Variants in SPAG16 observed in about 807,000 individuals in gnomAD.
SPAG16 encodes the protein sperm-associated antigen 16 protein.
Under a neutral mutation model 80.4 loss-of-function variants are expected in SPAG16, and 86 were observed. The ratio of observed to expected loss-of-function variants is 1.07; its 90% confidence interval spans 0.90 to 1.28. SPAG16 has a LOEUF of 1.28. Ranked by LOEUF, SPAG16 falls within the 50% of genes most tolerant of loss-of-function variation. The probability of loss-of-function intolerance (pLI) is 0.00; values close to 1 mark genes in which losing one functional copy is unlikely to be tolerated. For synonymous variants in SPAG16, 294 were observed against 265.9 expected, an observed-to-expected ratio of 1.11 and a Z score of -1.03; for missense variants, 870 against 765.3, an observed-to-expected ratio of 1.14 and a Z score of -1.61.
intron 7 of SPAG16, among the ~76,000 whole-genome samples, chr2:213,356,812 G>C (rs2065683833): frequency 6.6e-6 from 1 of 152,008 alleles, no homozygotes; most frequent in Non-Finnish European, 1.5e-5. Flanking sequence ...GTTTGTTCTT[G>C]CTTCTCTAGT....
At position 213,505,503 on chromosome 2, in the gene SPAG16, A is replaced by G. The variant is rs111281017; in HGVS notation, c.1070+15413A>G. ...TATTGATGAGTTAATATTTTAAAAC[A>G]TAAGTTAGTATTTATTTGGTTAGGA... On this transcript the variant is annotated intron_variant, in intron 10 of 15. Transcript: ENST00000331683. Among the ~76,000 whole-genome samples the G allele has an allele frequency of 8.0e-4, 122 of 152,300 alleles. 2 individuals are homozygous for G. Among genetic ancestry groups the G allele is most frequent in the Middle Eastern group, 3.4e-3 (1 of 294 alleles).
At chr2:213,309,832 A>T (rs1343508486) in intron 3 of SPAG16, among the ~76,000 whole-genome samples, 1 of 151,988 alleles carries the variant, frequency 6.6e-6, no homozygotes. Context: ...TTAGTTATTC[A>T]TATTCTGTCT....
At chr2:214,380,503 C>T (rs1262266197) in intron 15 of SPAG16, among the ~76,000 whole-genome samples, 1 of 152,018 alleles carries the variant, frequency 6.6e-6, no homozygotes, top group African/African-American at 2.4e-5. Context: ...AGAATGGGAC[C>T]CAAAGTTCTT....
chr2:214,168,625 A>T (rs1337608271), intron 15 of SPAG16, among the ~76,000 whole-genome samples: 2 of 152,082 alleles, frequency 1.3e-5, no homozygotes, highest in East Asian at 1.9e-4. Flanking sequence ...TCTGAGAAAA[A>T]GCAACTTTCC....
At chr2:214,132,868 G>A (rs1033088264) in intron 14 of SPAG16, among the ~76,000 whole-genome samples, 5 of 151,990 alleles carry the variant, frequency 3.3e-5, no homozygotes, top group South Asian at 2.1e-4. Context: ...CTAGGCGGGC[G>A]GATCACCTGA....
chr2:213,932,264 G>A (rs1209391070), intron 12 of SPAG16, among the ~76,000 whole-genome samples: 21 of 149,704 alleles, frequency 1.4e-4, no homozygotes. Context: ...AGGCTAGAGT[G>A]CAGTGGCACA....
rs189630981 is a variant in SPAG16 at position 214,199,675 on chromosome 2, G to A, written c.1720+50409G>A. ...TTTTAATGAGAATTACATTGAATCT[G>A]TAGATTGCTTTAGGCAGTATGGTCA... On this transcript the variant is annotated intron_variant, in intron 15 of 15. Transcript: ENST00000331683. Among the ~76,000 whole-genome samples the A allele has an allele frequency of 7.7e-4, 117 of 152,210 alleles. 1 individual carries two copies. The highest frequency in any genetic ancestry group is 2.1e-4 in the Non-Finnish European group (14 of 68,002).
intron 15 of SPAG16, among the ~76,000 whole-genome samples, chr2:214,399,177 A>AT (rs1701571071): frequency 6.6e-6 from 1 of 152,166 alleles, no homozygotes; most frequent in Non-Finnish European, 1.5e-5. Context: ...TCATCCGATT[A>AT]TACTACATAC....
chr2:214,379,147 A>G (rs1574453858), intron 15 of SPAG16, among the ~76,000 whole-genome samples: 1 of 152,202 alleles, frequency 6.6e-6, no homozygotes, highest in African/African-American at 2.4e-5. Context: ...ACATTTCTAC[A>G]TATACTTTAC....
At chr2:214,026,318 AAGTT>A (rs1453219265) in intron 13 of SPAG16, among the ~76,000 whole-genome samples, 1 of 151,532 alleles carries the variant, frequency 6.6e-6, no homozygotes, top group Non-Finnish European at 1.5e-5. Context: ...AAATGTCATA[AAGTT>A]AGTCTAGGAA....
At chr2:213,740,500 T>C (rs989696773) in intron 10 of SPAG16, among the ~76,000 whole-genome samples, 1 of 152,244 alleles carries the variant, frequency 6.6e-6, no homozygotes, top group African/African-American at 2.4e-5. Context: ...AAGTCAATTT[T>C]AAGTCTTCTG....
intron 1 of SPAG16, among the ~76,000 whole-genome samples, chr2:213,286,222 T>C (rs2062051885): frequency 6.6e-6 from 1 of 152,208 alleles, no homozygotes; most frequent in African/African-American, 2.4e-5. Context: ...CTTTTTAGGA[T>C]TTTACTAACC....
chr2:213,676,561 A>T (rs1337237048), intron 10 of SPAG16, among the ~76,000 whole-genome samples: 4 of 152,164 alleles, frequency 2.6e-5, no homozygotes, highest in South Asian at 2.1e-4. Context: ...TGTCCCATTA[A>T]TACCTAATTT....
chr2:213,998,951 C>T lies in SPAG16; in HGVS notation c.1401-15000C>T, dbSNP rs192431619. ...AAATTTCTAAGCAGTAAAACTCAAG[C>T]GATGACTTGGGTGCTGTTAAAGGCA... On this transcript the variant is annotated intron_variant, in intron 12 of 15. Coordinates refer to ENST00000331683, the MANE Select transcript of SPAG16 (RefSeq NM_024532.5). Among the ~76,000 whole-genome samples the T allele has an allele frequency of 2.5e-3, 380 of 152,160 alleles. 2 individuals are homozygous for T. Among genetic ancestry groups the T allele is most frequent in the African/African-American group, 8.7e-3 (362 of 41,532 alleles).
At chr2:213,603,426 A>C (rs1283471436) in intron 10 of SPAG16, among the ~76,000 whole-genome samples, 2 of 152,222 alleles carry the variant, frequency 1.3e-5, no homozygotes, top group African/African-American at 4.8e-5. Context: ...TTTTGATGAA[A>C]AGTTGTTTAT....
rs1156994062 is a variant in SPAG16, at chr2:213,340,075, TG to T, written c.537-86del. ...ATTTGTTTTCCTATTATCTTTTGAATGGCACAATACTGGATTTGAACTCAAG... is the reference window on the plus strand; with the variant it reads ...ATTTGTTTTCCTATTATCTTTTGAATGCACAATACTGGATTTGAACTCAAG... On this transcript the variant is annotated intron_variant, in intron 5 of 15. Transcript: ENST00000331683. 5.3e-6 allele frequency: 4 copies of T among 759,166 alleles called. No individual in the cohort carries two copies. The African/African-American group carries it at 7.1e-5, about 14-fold the overall frequency. 47.0% of individuals were successfully genotyped at this position (759,166 alleles called of 1,614,324 possible).
At chr2:213,879,696 C>G (rs2076273746) in intron 11 of SPAG16, among the ~76,000 whole-genome samples, 1 of 151,956 alleles carries the variant, frequency 6.6e-6, no homozygotes, top group South Asian at 2.1e-4. Flanking sequence ...AGAGTGTGCT[C>G]AATCTTTAGT....
In SPAG16 at chr2:214,228,876, G is replaced by A. The variant is rs186742974; in HGVS notation, c.1720+79610G>A. Among the ~76,000 whole-genome samples the A allele has an allele frequency of 2.9e-4, 44 of 151,984 alleles. 1 individual carries two copies. Among genetic ancestry groups the A allele is most frequent in the South Asian group, 2.5e-3 (12 of 4,826 alleles). Reference sequence around the variant, plus strand: ...TGATTAGCTTCTTCAAAGCTCCTCAGCTACATTGATGGCAGAACCAATATC... The same window carrying A: ...TGATTAGCTTCTTCAAAGCTCCTCAACTACATTGATGGCAGAACCAATATC... On this transcript the variant is annotated intron_variant, in intron 15 of 15. Transcript: ENST00000331683.
chr2:214,036,541 G>A (rs1032335017), intron 13 of SPAG16, among the ~76,000 whole-genome samples: 8 of 152,130 alleles, frequency 5.3e-5, no homozygotes, highest in African/African-American at 1.9e-4. Flanking sequence ...TAGCTAACTA[G>A]CTATATTAAA....
Sources: allele counts gnomAD v4.1 joint callset (sites outside exome capture counted in the v4.1 genomes callset), GRCh38; gene constraint gnomAD v4.1.1; transcripts MANE v1.5; gene names NCBI Gene and HGNC (gene_info 2026-07-23, HGNC 2026-07-21).